The following NPLOC4 variants were observed in gnomAD, a reference collection of about 807,000 sequenced individuals.
The protein encoded by NPLOC4 is nuclear protein localization protein 4 homolog.
NPLOC4 carries 18 observed loss-of-function variants against 80.6 expected under a neutral mutation model. That is an observed-to-expected ratio of 0.22 (90% CI 0.15 to 0.33). The LOEUF is 0.33. NPLOC4 is among the 10% of genes least tolerant of loss of function. The pLI, the probability that NPLOC4 is intolerant of heterozygous loss-of-function variation, is 1.00. For missense variants in NPLOC4, 540 were observed against 786.1 expected (o/e 0.69, Z 3.74); for synonymous variants, 313 against 301.5 (o/e 1.04, Z -0.39).
chr17:81,584,617 C>T (rs2034527216), intron 12 of NPLOC4, among the ~76,000 whole-genome samples: 9 of 152,164 alleles, frequency 5.9e-5, no homozygotes, highest in Admixed American at 5.9e-4. Flanking sequence ...ATGAGAAGGG[C>T]TGATGATGGA....
At chr17:81,617,816 G>A (rs1235795886) in intron 3 of NPLOC4, among the ~76,000 whole-genome samples, 3 of 152,132 alleles carry the variant, frequency 2.0e-5, no homozygotes, top group Non-Finnish European at 4.4e-5. Context: ...GCGCCGCCAC[G>A]CCTGACTGGT....
At chr17:81,585,459 T>C (rs2034553746) in intron 12 of NPLOC4, among the ~76,000 whole-genome samples, 1 of 151,790 alleles carries the variant, frequency 6.6e-6, no homozygotes, top group South Asian at 2.1e-4. Context: ...GTCAGGAGTT[T>C]GAGACCATCC....
chr17:81,569,144 G>A (rs747745588), intron 13 of NPLOC4, 33 bp from the exon 14 acceptor site: 3 of 1,487,462 alleles, frequency 2.0e-6, no homozygotes, highest in Admixed American at 3.4e-5. Flanking sequence ...CATGATAAAT[G>A]AGGCTGAAAA....
At chr17:81,623,747 G>A (rs1192089531) in intron 2 of NPLOC4, among the ~76,000 whole-genome samples, 8 of 151,268 alleles carry the variant, frequency 5.3e-5, no homozygotes, top group Non-Finnish European at 1.0e-4. Flanking sequence ...GCAGTGAGCC[G>A]AGATCGCGCC....
chr17:81,616,489 G>C (rs373130883), intron 3 of NPLOC4, among the ~76,000 whole-genome samples: 39 of 152,092 alleles, frequency 2.6e-4, no homozygotes, highest in African/African-American at 8.2e-4. Context: ...CCAGCACGTT[G>C]GGAGGCCGAG....
chr17:81,628,325 G>A (rs990164595), intron 2 of NPLOC4, among the ~76,000 whole-genome samples: 1 of 151,718 alleles, frequency 6.6e-6, no homozygotes, highest in African/African-American at 2.4e-5. Flanking sequence ...CCAGCATGGT[G>A]AAGATAGTGA....
chr17:81,587,196 G>C (rs1239803318), intron 12 of NPLOC4, among the ~76,000 whole-genome samples: 3 of 152,194 alleles, frequency 2.0e-5, no homozygotes, highest in Non-Finnish European at 4.4e-5. Flanking sequence ...AATATGGGTC[G>C]GGTGCAGTGG....
chr17:81,608,381 C>A (rs530259003), intron 6 of NPLOC4, among the ~76,000 whole-genome samples: 10 of 152,290 alleles, frequency 6.6e-5, no homozygotes, highest in African/African-American at 2.4e-4. Context: ...CGCAGCCAGG[C>A]GCCTGCACAG....
intron 5 of NPLOC4, among the ~76,000 whole-genome samples, chr17:81,609,711 A>C (rs1217812661): frequency 6.6e-6 from 1 of 152,236 alleles, no homozygotes; most frequent in African/African-American, 2.4e-5. Context: ...AAATTGTGCA[A>C]AAAGAAATGC....
intron 12 of NPLOC4, among the ~76,000 whole-genome samples, chr17:81,585,773 G>A (rs950149498): frequency 6.6e-6 from 1 of 151,914 alleles, no homozygotes; most frequent in Non-Finnish European, 1.5e-5. Flanking sequence ...GATTGCTTGA[G>A]CCTAGGAGTT....
At chr17:81,627,536 T>C (rs1447340464) in intron 2 of NPLOC4, among the ~76,000 whole-genome samples, 6 of 151,744 alleles carry the variant, frequency 4.0e-5, no homozygotes, top group African/African-American at 7.3e-5. Flanking sequence ...GGTCAGGAGT[T>C]CGAGACCAGC....
intron 10 of NPLOC4, among the ~76,000 whole-genome samples, chr17:81,596,652 A>G (rs557202819): frequency 2.0e-5 from 3 of 152,260 alleles, no homozygotes; most frequent in East Asian, 1.9e-4. Context: ...ACCATTACCA[A>G]TTCCTCATCT....
At chr17:81,635,974 A>AT (rs11375745) in intron 1 of NPLOC4, among the ~76,000 whole-genome samples, 8,401 of 141,578 alleles carry the variant, frequency 0.059, 292 homozygotes, top group Admixed American at 0.12. Context: ...GTGTGTGACA[A>AT]TTTTTTTTTT....
intron 16 of NPLOC4, chr17:81,565,147 G>C: frequency 1.7e-6 from 1 of 599,284 alleles, no homozygotes; most frequent in Non-Finnish European, 3.0e-6. Flanking sequence ...TTCTCAAGGA[G>C]ACCAAAAGGT....
intron 11 of NPLOC4, among the ~76,000 whole-genome samples, chr17:81,592,102 C>T (rs1227193571): frequency 6.6e-6 from 1 of 152,182 alleles, no homozygotes; most frequent in Non-Finnish European, 1.5e-5. Context: ...AGGACAGATG[C>T]AGAGGGAGAG....
chr17:81,599,371 G>A (rs943484924), intron 9 of NPLOC4, among the ~76,000 whole-genome samples: 2 of 152,168 alleles, frequency 1.3e-5, no homozygotes, highest in African/African-American at 2.4e-5. Flanking sequence ...TGAACTGTAA[G>A]ATTATAACAA....
intron 12 of NPLOC4, among the ~76,000 whole-genome samples, chr17:81,581,195 C>CA (rs1468316068): frequency 2.6e-5 from 4 of 151,414 alleles, no homozygotes; most frequent in Admixed American, 6.6e-5. Flanking sequence ...ACTAAAAATA[C>CA]AAAAAAATTA....
At chr17:81,600,868 T>G (rs1040139258) in intron 8 of NPLOC4, among the ~76,000 whole-genome samples, 17 of 152,190 alleles carry the variant, frequency 1.1e-4, no homozygotes, top group Non-Finnish European at 2.2e-4. Flanking sequence ...CAAAACAGCC[T>G]TGGAAAATCT....
Position 81,559,012 on chromosome 17 carries a change from TGAG to T in NPLOC4, c.*244_*246del. The T allele has an allele frequency of 2.0e-6, 1 of 495,216 alleles. No homozygotes were observed. The highest frequency in any genetic ancestry group is 3.6e-5 in the Admixed American group (1 of 27,670). 30.7% of individuals were successfully genotyped at this position (495,216 alleles called of 1,614,324 possible). A position where few individuals can be genotyped will look rare whatever the true frequency, so the allele number is the denominator to read the frequency against. ...GGGGACTTGTCAACAGGATTAGGCGTGAGGAGCCGCTCTGCGTTTCCAGTCTGG... is the reference window on the plus strand; with the variant it reads ...GGGGACTTGTCAACAGGATTAGGCGTGAGCCGCTCTGCGTTTCCAGTCTGG... On this transcript the variant is annotated 3_prime_UTR_variant, in exon 17 of 17. Transcript: ENST00000331134.
Sources: gnomAD v4.1 joint callset for allele counts (sites outside exome capture counted in the v4.1 genomes callset) on GRCh38, gnomAD v4.1.1 for gene constraint, MANE v1.5 for transcripts, NCBI Gene and HGNC (gene_info 2026-07-23, HGNC 2026-07-21) for gene names.